BABAM2: variants seen among roughly 807,000 people sequenced by gnomAD.
BABAM2 encodes the protein BRISC and BRCA1 A complex member 2, also known as BRISC and BRCA1-A complex member 2.
A neutral mutation model predicts 54.7 loss-of-function variants in BABAM2; 31 were observed. The observed-to-expected ratio is 0.57, with a 90% CI of 0.43 to 0.77. The LOEUF is 0.77. Ranked by LOEUF, BABAM2 falls within the 30% of genes least tolerant of loss-of-function variation. The pLI, the probability that BABAM2 is intolerant of heterozygous loss-of-function variation, is 0.00. For missense variants in BABAM2, 364 were observed against 455.8 expected, an observed-to-expected ratio of 0.80 and a Z score of 1.83; for synonymous variants, 167 against 162.9, an observed-to-expected ratio of 1.03 and a Z score of -0.19.
intron 10 of BABAM2, among the ~76,000 whole-genome samples, chr2:28,274,046 A>G (rs1391210119): frequency 6.6e-6 from 1 of 152,310 alleles, no homozygotes; most frequent in East Asian, 1.9e-4. Flanking sequence ...CACCTCCAGG[A>G]CTAGCTCACT....
intron 6 of BABAM2, among the ~76,000 whole-genome samples, chr2:28,065,724 C>G (rs1663466515): frequency 6.6e-6 from 1 of 152,058 alleles, no homozygotes; most frequent in African/African-American, 2.4e-5. Flanking sequence ...TATTTTCTCT[C>G]CATTTGCCCT....
At chr2:27,998,621 C>G (rs1484348406) in intron 4 of BABAM2, among the ~76,000 whole-genome samples, 2 of 152,094 alleles carry the variant, frequency 1.3e-5, no homozygotes, top group East Asian at 3.8e-4. Flanking sequence ...GTATCTCAAA[C>G]CAGTCCTTTT....
At chr2:28,119,694 C>A (rs940467701) in intron 6 of BABAM2, among the ~76,000 whole-genome samples, 7 of 151,994 alleles carry the variant, frequency 4.6e-5, no homozygotes, top group African/African-American at 1.7e-4. Context: ...GCAGTCAAAT[C>A]ATCTTTGTTT....
chr2:27,981,585 A>G (rs1042171688), intron 3 of BABAM2, among the ~76,000 whole-genome samples: 3 of 152,158 alleles, frequency 2.0e-5, no homozygotes, highest in Non-Finnish European at 2.9e-5. Flanking sequence ...TAGACATTTC[A>G]TATAAATAGA....
intron 1 of BABAM2, chr2:27,891,164 G>A (rs1664807599): frequency 6.6e-6 from 1 of 152,190 alleles, no homozygotes; most frequent in Non-Finnish European, 1.5e-5. Flanking sequence ...CCTAGAGTGG[G>A]GTGGTCATTC....
At chr2:28,330,002 T>C (rs1324632982) in intron 11 of BABAM2, among the ~76,000 whole-genome samples, 1 of 152,152 alleles carries the variant, frequency 6.6e-6, no homozygotes, top group Non-Finnish European at 1.5e-5. Context: ...GTCAGCTTCA[T>C]CCCCAGGATG....
chr2:28,074,942 C>A (rs1329140512), intron 6 of BABAM2, among the ~76,000 whole-genome samples: 1 of 152,096 alleles, frequency 6.6e-6, no homozygotes, highest in African/African-American at 2.4e-5. Context: ...CATTCTTCTT[C>A]CAAGATTTTT....
chr2:28,198,316 A>C (rs1359567709), intron 7 of BABAM2, among the ~76,000 whole-genome samples: 1 of 152,096 alleles, frequency 6.6e-6, no homozygotes, highest in Admixed American at 6.5e-5. Context: ...GGTGCCCGCA[A>C]AAAATGCCTG....
intron 3 of BABAM2, among the ~76,000 whole-genome samples, chr2:27,979,432 A>G (rs1671848439): frequency 6.6e-6 from 1 of 151,884 alleles, no homozygotes; most frequent in African/African-American, 2.4e-5. Flanking sequence ...ATATGAGTAT[A>G]TGTGTTTTTT....
At chr2:28,083,378 C>T (rs760512167) in intron 6 of BABAM2, among the ~76,000 whole-genome samples, 17 of 152,140 alleles carry the variant, frequency 1.1e-4, no homozygotes, top group Non-Finnish European at 2.4e-4. Context: ...CATGCTTTCC[C>T]GCTTTTTGCA....
At chr2:27,931,769 A>T (rs554667747) in intron 3 of BABAM2, among the ~76,000 whole-genome samples, 10 of 152,284 alleles carry the variant, frequency 6.6e-5, no homozygotes, top group African/African-American at 1.4e-4. Context: ...AGGGTAGTAT[A>T]TTCTTTAGTT....
At chr2:28,051,155 C>T (rs1573477082) in intron 6 of BABAM2, among the ~76,000 whole-genome samples, 1 of 152,290 alleles carries the variant, frequency 6.6e-6, no homozygotes, top group African/African-American at 2.4e-5. Context: ...GTAGTACTTA[C>T]TTGTTGGATG....
chr2:28,167,577 C>T (rs1457292026), intron 7 of BABAM2, among the ~76,000 whole-genome samples: 1 of 151,284 alleles, frequency 6.6e-6, no homozygotes, highest in Non-Finnish European at 1.5e-5. Context: ...GCCTGTAATT[C>T]CAGCTACTAG....
At chr2:28,309,966 G>T (rs1359231838) in intron 11 of BABAM2, 4 of 1,163,138 alleles carry the variant, frequency 3.4e-6, no homozygotes, top group Non-Finnish European at 5.1e-6. Flanking sequence ...TCCTTATGGG[G>T]TTTAGAAGTA....
chr2:27,991,397 C>A (rs1672764190), intron 4 of BABAM2, among the ~76,000 whole-genome samples: 2 of 152,156 alleles, frequency 1.3e-5, no homozygotes, highest in South Asian at 4.1e-4. Flanking sequence ...TTTATTGAGA[C>A]AATTTATATG....
chr2:28,018,371 G>GAT (rs1392523314), intron 4 of BABAM2, among the ~76,000 whole-genome samples: 3 of 152,112 alleles, frequency 2.0e-5, no homozygotes, highest in Non-Finnish European at 4.4e-5. Context: ...AGTATTCCAT[G>GAT]ATATATATCA....
intron 6 of BABAM2, among the ~76,000 whole-genome samples, chr2:28,117,782 G>T (rs1303234652): frequency 6.6e-6 from 1 of 152,174 alleles, no homozygotes; most frequent in Non-Finnish European, 1.5e-5. Flanking sequence ...TTACGGATTG[G>T]GGCCTGGGGG....
At chr2:27,945,607 A>G (rs1225427426) in intron 3 of BABAM2, among the ~76,000 whole-genome samples, 3 of 152,222 alleles carry the variant, frequency 2.0e-5, no homozygotes, top group African/African-American at 7.2e-5. Context: ...TCTGTAGATC[A>G]GTTTGTAGAG....
intron 10 of BABAM2, among the ~76,000 whole-genome samples, chr2:28,272,507 G>A (rs1386012031): frequency 1.3e-5 from 2 of 152,204 alleles, no homozygotes; most frequent in Non-Finnish European, 1.5e-5. Context: ...TTCAGACCTT[G>A]GTGTAATTCA....
Sources: allele counts gnomAD v4.1 joint callset (sites outside exome capture counted in the v4.1 genomes callset), GRCh38; gene constraint gnomAD v4.1.1; transcripts MANE v1.5; gene names NCBI Gene and HGNC (gene_info 2026-07-23, HGNC 2026-07-21).